DTNA: variants seen among roughly 807,000 people sequenced by gnomAD.
DTNA encodes the protein dystrobrevin alpha, also known as dystrophin-related protein 3.
Under a neutral mutation model 100.7 loss-of-function variants are expected in DTNA, and 43 were observed. The observed-to-expected ratio is 0.43, with a 90% CI of 0.33 to 0.55. DTNA has a LOEUF of 0.55. Ranked by LOEUF, DTNA falls within the 20% of genes least tolerant of loss-of-function variation. DTNA has a pLI of 0.04. For missense variants in DTNA, 798 were observed against 953.9 expected (o/e 0.84, Z 2.15); for synonymous variants, 349 against 347.9 (o/e 1.00, Z -0.04).
chr18:34,686,564 A>G (rs897963937), intron 1 of DTNA, among the ~76,000 whole-genome samples: 2 of 152,164 alleles, frequency 1.3e-5, no homozygotes, highest in Non-Finnish European at 2.9e-5. Flanking sequence ...AGATTTTTGC[A>G]TCAATGTTCA....
chr18:34,868,835 C>G (rs150326825), intron 17 of DTNA: 2 of 897,802 alleles, frequency 2.2e-6, no homozygotes, highest in African/African-American at 3.6e-5. Flanking sequence ...TACCCTCTTT[C>G]TTCTTTGTGT....
chr18:34,699,953 C>T (rs2081139910), intron 1 of DTNA, among the ~76,000 whole-genome samples: 1 of 152,144 alleles, frequency 6.6e-6, no homozygotes, highest in African/African-American at 2.4e-5. Context: ...ATACTCAGGA[C>T]CCTGTCTCTT....
chr18:34,592,749 T>C (rs773777875), intron 1 of DTNA, among the ~76,000 whole-genome samples: 2 of 152,130 alleles, frequency 1.3e-5, no homozygotes, highest in Non-Finnish European at 2.9e-5. Flanking sequence ...TTACTAAGAC[T>C]CATTCAACTT....
intron 1 of DTNA, among the ~76,000 whole-genome samples, chr18:34,553,459 C>T (rs956811831): frequency 1.3e-5 from 2 of 151,498 alleles, no homozygotes; most frequent in Admixed American, 1.3e-4. Context: ...TTGCCCATGC[C>T]TATGTCCTGA....
At chr18:34,537,283 G>T (rs1165978969) in intron 1 of DTNA, among the ~76,000 whole-genome samples, 5 of 151,912 alleles carry the variant, frequency 3.3e-5, no homozygotes, top group Admixed American at 1.3e-4. Flanking sequence ...GAGTCTATTT[G>T]TAATTTTCTA....
In DTNA at chr18:34,827,658, G is replaced by A. The variant is rs2095890743; in HGVS notation, c.1067G>A (p.Ser356Asn). The change falls in exon 10 of 23, where the codon AGT becomes AAT. Residue 356 changes from serine (S) to asparagine (N), a missense_variant. By Grantham distance (46) the Ser-to-Asn change is conservative (BLOSUM62 1). Around this residue, in one of 6 missense-constraint regions of DTNA, gnomAD observed 93 missense variants for 90.5 expected, o/e 1.03. Coordinates refer to ENST00000444659, the MANE Select transcript of DTNA (RefSeq NM_001386795.1). ...LFSHSVPSSG[S>N]PFITRRLPEG... ...TCCCACTCTGTTCCCTCCTCAGGAA[G>A]TCCTTTTATTACCAGGAGGTAAGTT... 2 of 1,613,950 alleles carry A rather than the reference G, an allele frequency of 1.2e-6. No individual in the cohort carries two copies. Among genetic ancestry groups the A allele is most frequent in the East Asian group, 2.2e-5 (1 of 44,868 alleles).
chr18:34,678,440 G>A (rs1042118393), intron 1 of DTNA, among the ~76,000 whole-genome samples: 2 of 151,962 alleles, frequency 1.3e-5, no homozygotes, highest in South Asian at 4.2e-4. Flanking sequence ...TGCAGAGCTG[G>A]GTTCCTTCCA....
intron 1 of DTNA, among the ~76,000 whole-genome samples, chr18:34,738,116 G>A (rs998461839): frequency 6.6e-6 from 1 of 152,154 alleles, no homozygotes; most frequent in East Asian, 1.9e-4. Context: ...ATCAGCAGAA[G>A]CAAAGGCCCT....
chr18:34,750,233 CTG>C (rs1176046002), intron 1 of DTNA, among the ~76,000 whole-genome samples: 4 of 152,276 alleles, frequency 2.6e-5, no homozygotes, highest in African/African-American at 4.8e-5. Flanking sequence ...AATTGCGAGA[CTG>C]TGAATCAGTG....
intron 1 of DTNA, among the ~76,000 whole-genome samples, chr18:34,717,849 T>A (rs1378784208): frequency 1.3e-5 from 2 of 151,948 alleles, no homozygotes; most frequent in African/African-American, 4.8e-5. Context: ...GAGATGAGAA[T>A]CAGAAATGTC....
rs752023760 is a variant in DTNA at position 34,653,230 on chromosome 18, AC to A, written c.-1-102745del. ...ATGGTAAATCAAAAAAGGGAAAAAA[AC>A]GAATAGGCTTCTACCTGTTGATTGC... On this transcript the variant is annotated intron_variant, in intron 1 of 19. Coordinates refer to the DTNA transcript ENST00000283365. Among the ~76,000 whole-genome samples the A allele has an allele frequency of 5.7e-3, 863 of 151,840 alleles. 5 individuals are homozygous for A. The highest frequency in any genetic ancestry group is 0.016 in the African/African-American group (678 of 41,512).
intron 1 of DTNA, among the ~76,000 whole-genome samples, chr18:34,678,052 G>C (rs1244051503): frequency 6.6e-6 from 1 of 152,156 alleles, no homozygotes. Context: ...CAGCAGGAGA[G>C]AGAAGTGCCG....
At chr18:34,680,737 C>G (rs16965762) in intron 1 of DTNA, among the ~76,000 whole-genome samples, 2,373 of 152,204 alleles carry the variant, frequency 0.016, 56 homozygotes, top group African/African-American at 0.054. Context: ...AAACTTGGTG[C>G]CCATCAAAAA....
chr18:34,608,015 T>G (rs186448805), intron 1 of DTNA, among the ~76,000 whole-genome samples: 1 of 152,300 alleles, frequency 6.6e-6, no homozygotes, highest in East Asian at 1.9e-4. Flanking sequence ...TCCCTATGAT[T>G]TGAATCTTAA....
At chr18:34,847,366 TA>T (rs1381021005) in intron 13 of DTNA, among the ~76,000 whole-genome samples, 2 of 152,220 alleles carry the variant, frequency 1.3e-5, no homozygotes, top group Non-Finnish European at 2.9e-5. Context: ...AGGCAGGTTA[TA>T]AATAAGTAGT....
rs200144480 is a variant in DTNA at position 34,616,714 on chromosome 18, G to A, written c.-2+123200G>A. 1.1e-4 allele frequency among the ~76,000 whole-genome samples: 17 copies of A among 152,254 alleles called. No individual in the cohort carries two copies. The East Asian group carries it at 3.3e-3, about 29-fold the overall frequency. On this transcript the variant is annotated intron_variant, in intron 1 of 19. Transcript: ENST00000283365. ...GCATTGAATCTGTAAATTGCTTTGA[G>A]CAATATGGTCATATTAACAATATTG...
intron 1 of DTNA, among the ~76,000 whole-genome samples, chr18:34,639,143 A>G (rs981977549): frequency 2.0e-5 from 3 of 152,164 alleles, no homozygotes; most frequent in Non-Finnish European, 4.4e-5. Context: ...TCCTGGCCCC[A>G]GGCATTATTT....
intron 3 of DTNA, among the ~76,000 whole-genome samples, chr18:34,768,130 C>T (rs1268739393): frequency 6.6e-6 from 1 of 152,042 alleles, no homozygotes; most frequent in Non-Finnish European, 1.5e-5. Context: ...ATGATTGTCC[C>T]ACGTTCTTAT....
intron 2 of DTNA, among the ~76,000 whole-genome samples, chr18:34,765,155 C>T (rs2093404112): frequency 6.6e-6 from 1 of 152,118 alleles, no homozygotes; most frequent in South Asian, 2.1e-4. Context: ...AGCTTTTAGA[C>T]CTGATGTTCT....
Sources: allele counts gnomAD v4.1 joint callset (sites outside exome capture counted in the v4.1 genomes callset), GRCh38; gene constraint gnomAD v4.1.1; regional missense constraint gnomAD v4.1.1; transcripts MANE v1.5; gene names NCBI Gene and HGNC (gene_info 2026-07-23, HGNC 2026-07-21).